TRMT11: variants seen among roughly 807,000 people sequenced by gnomAD.
The protein encoded by TRMT11 is tRNA methyltransferase 11.
TRMT11 carries 53 observed loss-of-function variants against 62.8 expected under a neutral mutation model. The observed-to-expected ratio is 0.84, with a 90% confidence interval of 0.68 to 1.06. The LOEUF is 1.06. Among genes scored for constraint, TRMT11 ranks in the 50% least tolerant of loss-of-function variants. The pLI is 0.00. For synonymous variants in TRMT11, 188 were observed against 190.3 expected (o/e 0.99, Z 0.10); for missense variants, 556 against 553.4 (o/e 1.00, Z -0.05).
At chr6:126,099,442 C>T (rs754718600) in intron 17 of TRMT11, among the ~76,000 whole-genome samples, 4 of 152,176 alleles carry the variant, frequency 2.6e-5, no homozygotes, top group South Asian at 2.1e-4. Flanking sequence ...ATTGACTTTC[C>T]GTGTACTGAC....
At chr6:126,177,139 A>G (rs1209526242), upstream of TRMT11, 2 of 152,176 alleles carry the variant, frequency 1.3e-5, no homozygotes, top group Non-Finnish European at 2.9e-5. Context: ...TTGAAATGGG[A>G]AATCAAATCA....
intron 12 of TRMT11, among the ~76,000 whole-genome samples, chr6:126,028,718 A>G (rs1248917486): frequency 6.6e-6 from 1 of 152,194 alleles, no homozygotes; most frequent in Admixed American, 6.5e-5. Flanking sequence ...CTATCATAAT[A>G]GTTTTAAACT....
At chr6:126,158,703 G>A (rs1028590928) in intron 21 of TRMT11, among the ~76,000 whole-genome samples, 1 of 152,088 alleles carries the variant, frequency 6.6e-6, no homozygotes, top group African/African-American at 2.4e-5. Context: ...AGGTTGCAAA[G>A]GCCACTTCAA....
intron 1 of TRMT11, among the ~76,000 whole-genome samples, chr6:126,187,309 A>G (rs1172746229): frequency 6.6e-6 from 1 of 152,014 alleles, no homozygotes; most frequent in Non-Finnish European, 1.5e-5. Context: ...GAATTGTTAT[A>G]TACTGGCAGC....
At chr6:125,994,752 C>A (rs1298489943) in intron 2 of TRMT11, among the ~76,000 whole-genome samples, 2 of 152,086 alleles carry the variant, frequency 1.3e-5, no homozygotes, top group African/African-American at 2.4e-5. Flanking sequence ...TACATATACA[C>A]CATGGAAGCC....
chr6:126,185,887 T>C (rs1024696838), intron 1 of TRMT11, among the ~76,000 whole-genome samples: 1 of 152,036 alleles, frequency 6.6e-6, no homozygotes, highest in Non-Finnish European at 1.5e-5. Context: ...CCATCAGATC[T>C]CATGAGAACT....
chr6:126,123,313 G>A (rs1777671656), intron 21 of TRMT11, among the ~76,000 whole-genome samples: 1 of 152,086 alleles, frequency 6.6e-6, no homozygotes, highest in South Asian at 2.1e-4. Context: ...TTGGGGGCAG[G>A]AAGGGAGTGT....
chr6:126,235,837 G>A, the TRMT11 span, among the ~76,000 whole-genome samples: 1 of 152,158 alleles, frequency 6.6e-6, no homozygotes, highest in East Asian at 1.9e-4. Context: ...TACCCATCCT[G>A]CACATGTACC....
At chr6:126,239,650 T>G in the TRMT11 span, among the ~76,000 whole-genome samples, 1 of 152,202 alleles carries the variant, frequency 6.6e-6, no homozygotes, top group Non-Finnish European at 1.5e-5. Context: ...ATTTTTTCCT[T>G]CATTTCAACT....
chr6:126,030,783 C>G (rs1247350994), intron 12 of TRMT11, among the ~76,000 whole-genome samples: 1 of 152,118 alleles, frequency 6.6e-6, no homozygotes, highest in African/African-American at 2.4e-5. Context: ...AAATAGAAGC[C>G]ATTTGGTTTT....
the TRMT11 span, among the ~76,000 whole-genome samples, chr6:126,244,843 C>T: frequency 6.6e-6 from 1 of 152,142 alleles, no homozygotes; most frequent in Admixed American, 6.5e-5. Flanking sequence ...ATCAGATTGC[C>T]TGGGTTTAAG....
At chr6:126,073,601 G>A (rs2128143380) in intron 17 of TRMT11, among the ~76,000 whole-genome samples, 1 of 152,014 alleles carries the variant, frequency 6.6e-6, no homozygotes, top group East Asian at 1.9e-4. Context: ...AACAATTCAT[G>A]TGACATGAAT....
intron 7 of TRMT11, among the ~76,000 whole-genome samples, chr6:126,004,773 T>C (rs535297023): frequency 6.6e-6 from 1 of 152,190 alleles, no homozygotes; most frequent in South Asian, 2.1e-4. Flanking sequence ...CACTTACTAC[T>C]CATGGTTCGT....
intron 17 of TRMT11, among the ~76,000 whole-genome samples, chr6:126,069,349 C>G (rs1199914063): frequency 1.3e-5 from 2 of 152,248 alleles, no homozygotes; most frequent in Non-Finnish European, 2.9e-5. Context: ...GAACAAATGT[C>G]TATTGACTGT....
intron 7 of TRMT11, among the ~76,000 whole-genome samples, chr6:126,005,927 C>T (rs1267960334): frequency 1.3e-5 from 2 of 151,898 alleles, no homozygotes; most frequent in Non-Finnish European, 2.9e-5. Context: ...TGTCTACCTT[C>T]AGATGACCCA....
the TRMT11 span, among the ~76,000 whole-genome samples, chr6:126,242,926 T>C: frequency 6.6e-6 from 1 of 151,966 alleles, no homozygotes; most frequent in Non-Finnish European, 1.5e-5. Context: ...AAGCCAAAAT[T>C]GACAAATGGG....
intron 21 of TRMT11, among the ~76,000 whole-genome samples, chr6:126,153,807 A>G (rs1778085300): frequency 6.6e-6 from 1 of 152,246 alleles, no homozygotes; most frequent in Non-Finnish European, 1.5e-5. Flanking sequence ...TAAGCAATGT[A>G]TGCTGCATTG....
chr6:126,052,564 A>G (rs931862703), intron 16 of TRMT11, among the ~76,000 whole-genome samples: 8 of 152,074 alleles, frequency 5.3e-5, no homozygotes, highest in African/African-American at 1.9e-4. Context: ...CCCCCTTTTT[A>G]TATATCCTTA....
At position 126,017,872 on chromosome 6, in the gene TRMT11, T is replaced by C. The variant is rs138152723; in HGVS notation, c.1140-3288T>C. Among the ~76,000 whole-genome samples the C allele has an allele frequency of 1.3e-3, 199 of 152,348 alleles. 1 individual carries two copies. The highest frequency in any genetic ancestry group is 4.6e-3 in the African/African-American group (192 of 41,590). On this transcript the variant is annotated intron_variant, in intron 11 of 12. Coordinates refer to ENST00000334379, the MANE Select transcript of TRMT11 (RefSeq NM_001031712.3). The stretch of plus-strand genomic sequence containing the variant: ...TCATGTGTACAGGGCATCAATCCAG[T>C]GTGTACACATACAATCCAGGTGTTT...
Sources: gnomAD v4.1 joint callset for allele counts (sites outside exome capture counted in the v4.1 genomes callset) on GRCh38, gnomAD v4.1.1 for gene constraint, MANE v1.5 for transcripts, NCBI Gene and HGNC (gene_info 2026-07-23, HGNC 2026-07-21) for gene names.